The following ZNF516 variants were observed in gnomAD, a reference collection of about 807,000 sequenced individuals.
The protein encoded by ZNF516 is zinc finger protein 516.
In ZNF516, 19 loss-of-function variants were observed where a neutral mutation model predicts 79.7. The observed-to-expected ratio is 0.24, with a 90% confidence interval of 0.17 to 0.35. The LOEUF (loss-of-function observed/expected upper bound fraction) is 0.35, where lower values mean the gene tolerates loss of function less well. Among genes scored for constraint, ZNF516 ranks in the 10% least tolerant of loss-of-function variants. The pLI, the probability that ZNF516 is intolerant of heterozygous loss-of-function variation, is 1.00. For missense variants in ZNF516, 1,678 were observed against 1,679.5 expected (o/e 1.00, Z 0.02); for synonymous variants, 877 against 739.5 (o/e 1.19, Z -3.02).
intron 1 of ZNF516, among the ~76,000 whole-genome samples, chr18:76,470,166 C>T (rs1913740830): frequency 6.6e-6 from 1 of 152,190 alleles, no homozygotes; most frequent in Non-Finnish European, 1.5e-5. Flanking sequence ...AGATTTGGAA[C>T]CGCCCATTGG....
At chr18:76,472,943 G>C (rs1568321789) in intron 1 of ZNF516, among the ~76,000 whole-genome samples, 2 of 152,110 alleles carry the variant, frequency 1.3e-5, no homozygotes, top group African/African-American at 4.8e-5. Flanking sequence ...GCCAAAAAAG[G>C]AATGACAATA....
upstream of ZNF516, among the ~76,000 whole-genome samples, chr18:76,496,040 C>T (rs1469660076): frequency 6.6e-6 from 1 of 152,068 alleles, no homozygotes; most frequent in Non-Finnish European, 1.5e-5. Context: ...CTCACCTACT[C>T]CCCACGAGCA....
chr18:76,370,607 A>AG lies in ZNF516; in HGVS notation c.3365-13dup, dbSNP rs756908149. The AG allele has an allele frequency of 5.6e-6, 9 of 1,592,944 alleles. No homozygotes were observed. The highest frequency in any genetic ancestry group is 1.7e-4 in the Middle Eastern group (1 of 6,048). On this transcript the variant is annotated splice_polypyrimidine_tract_variant and intron_variant, in intron 5 of 6. Transcript: ENST00000443185. ...GGACTCAAACACCACTGTGGGAACAAGGGGTTTGTTAACAGATCAGCGTGT... is the reference window on the plus strand; with the variant it reads ...GGACTCAAACACCACTGTGGGAACAAGGGGGTTTGTTAACAGATCAGCGTGT...
rs547521844 is a variant in ZNF516 at position 76,391,277 on chromosome 18, T to C, written c.1811-10974A>G. On this transcript the variant is annotated intron_variant, in intron 3 of 6. Transcript: ENST00000443185. ...AGCACAAGCCAAACCACAACCCTAA[T>C]CCCAGCACAAACCCTAGCCATAGCA... Among the ~76,000 whole-genome samples, 215 of 152,136 alleles carry C rather than the reference T, an allele frequency of 1.4e-3. 1 individual carries two copies. Among genetic ancestry groups the C allele is most frequent in the South Asian group, 0.011 (52 of 4,818 alleles).
chr18:76,492,133 CCTT>C, intron 1 of ZNF516: 1 of 984,760 alleles, frequency 1.0e-6, no homozygotes, highest in Non-Finnish European at 1.2e-6. Flanking sequence ...GCACGTGGGT[CCTT>C]AACCTCTCCA....
intron 2 of ZNF516, among the ~76,000 whole-genome samples, chr18:76,454,788 A>C (rs1912619437): frequency 6.6e-6 from 1 of 152,222 alleles, no homozygotes; most frequent in South Asian, 2.1e-4. Context: ...AAAAAGGATA[A>C]ACAAGCAAAA....
chr18:76,440,991 A>G (rs889882654), intron 3 of ZNF516, among the ~76,000 whole-genome samples: 2 of 152,220 alleles, frequency 1.3e-5, no homozygotes, highest in Admixed American at 1.3e-4. Context: ...CCAAAGTGCC[A>G]GTTCCAGATC....
intron 3 of ZNF516, among the ~76,000 whole-genome samples, chr18:76,412,025 T>TC (rs1345040845): frequency 6.6e-6 from 1 of 152,150 alleles, no homozygotes; most frequent in African/African-American, 2.4e-5. Flanking sequence ...ACGTATCCTC[T>TC]CCAAGACCGT....
intron 3 of ZNF516, among the ~76,000 whole-genome samples, chr18:76,395,023 TCTAA>T (rs2075125616): frequency 1.3e-5 from 2 of 152,178 alleles, no homozygotes; most frequent in African/African-American, 4.8e-5. Flanking sequence ...CTCCTTCTGC[TCTAA>T]CTAAACACAT....
intron 1 of ZNF516, among the ~76,000 whole-genome samples, chr18:76,490,455 C>A (rs181382023): frequency 3.9e-5 from 6 of 152,300 alleles, no homozygotes; most frequent in Admixed American, 3.9e-4. Flanking sequence ...TTATTTTACA[C>A]GGCAGTAGCC....
At chr18:76,483,259 C>T (rs1914632256) in intron 1 of ZNF516, among the ~76,000 whole-genome samples, 1 of 152,128 alleles carries the variant, frequency 6.6e-6, no homozygotes, top group Non-Finnish European at 1.5e-5. Flanking sequence ...GCAGACACAG[C>T]TCAAGCCAGC....
At chr18:76,418,220 CTG>C (rs1292427577) in intron 3 of ZNF516, among the ~76,000 whole-genome samples, 4 of 152,100 alleles carry the variant, frequency 2.6e-5, no homozygotes, top group East Asian at 1.9e-4. Context: ...CTATAACACA[CTG>C]TAACACACGC....
rs1425702628 is a variant in ZNF516 at position 76,492,062 on chromosome 18, C to G, written c.-272+3082G>C. ...GGTGCGGCCTGGTGGCCGGGCACAC[C>G]CGCGCATGGACGAGGTCCCTCCCAG... On this transcript the variant is annotated intron_variant, in intron 1 of 6. Coordinates refer to ENST00000443185, the MANE Select transcript of ZNF516 (RefSeq NM_014643.4). 13 of 723,484 alleles carry G rather than the reference C, an allele frequency of 1.8e-5. No homozygotes were observed. In the Admixed American group the frequency reaches 6.9e-4, roughly 38 times the overall value. The allele number at this position is 723,484 out of a possible 1,614,324, so 44.8% of individuals were successfully genotyped here.
Position 76,444,980 on chromosome 18 carries a change from A to T in ZNF516, c.-157-1769T>A, listed in dbSNP as rs562166719. On this transcript the variant is annotated intron_variant, in intron 2 of 6. Coordinates refer to ENST00000443185, the MANE Select transcript of ZNF516 (RefSeq NM_014643.4). ...CGAGCAGCCTCAGCAGCAAATGAAA[A>T]GCAGCAACACAGAGGTTCTGCTCCT... 5.9e-5 allele frequency among the ~76,000 whole-genome samples: 9 copies of T among 152,360 alleles called. No individual in the cohort carries two copies. The East Asian group carries it at 1.7e-3, about 29-fold the overall frequency.
rs890868158 is a variant in ZNF516 at position 76,361,004 on chromosome 18, G to C, written c.*1494C>G. On this transcript the variant is annotated 3_prime_UTR_variant, in exon 7 of 7. Transcript: ENST00000443185. Reference sequence around the variant, plus strand: ...TTGCTCTCGCCAGTATTAAAGGTTAGGATAATTTCTGTACATGTAAAATTA... The same window carrying C: ...TTGCTCTCGCCAGTATTAAAGGTTACGATAATTTCTGTACATGTAAAATTA... 10 of 151,478 alleles carry C rather than the reference G, an allele frequency of 6.6e-5. No homozygotes were observed. The highest frequency in any genetic ancestry group is 1.0e-4 in the Non-Finnish European group (7 of 67,918). 9.4% of individuals were successfully genotyped at this position (151,478 alleles called of 1,614,324 possible).
At chr18:76,363,984 G>C (rs1003118928) in intron 6 of ZNF516, among the ~76,000 whole-genome samples, 3 of 152,178 alleles carry the variant, frequency 2.0e-5, no homozygotes, top group Admixed American at 2.0e-4. Context: ...CATCCACCTG[G>C]GTAGCTCTTC....
rs551092450 is a variant in ZNF516 at position 76,493,113 on chromosome 18, C to T, written c.-272+2031G>A. 2 of 984,828 alleles carry T rather than the reference C, an allele frequency of 2.0e-6. No individual in the cohort carries two copies. Among genetic ancestry groups the T allele is most frequent in the South Asian group, 4.7e-5 (1 of 21,280 alleles). The allele number at this position is 984,828 out of a possible 1,614,324, so 61.0% of individuals were successfully genotyped here. On this transcript the variant is annotated intron_variant, in intron 1 of 6. Transcript: ENST00000443185. The surrounding 1 kb of genome is among the most constrained non-coding windows in gnomAD (Gnocchi z 5.2). Reference sequence around the variant, plus strand: ...GCTGTTTCCTTTTTTTTTTTTCCTCCTCTCCTCCCTACCGTTTCATTTAAT... The same window carrying T: ...GCTGTTTCCTTTTTTTTTTTTCCTCTTCTCCTCCCTACCGTTTCATTTAAT...
chr18:76,477,113 ACAGCACTTTTTATCCCAG>A (rs1209070315), intron 1 of ZNF516, among the ~76,000 whole-genome samples: 1 of 152,172 alleles, frequency 6.6e-6, no homozygotes, highest in Non-Finnish European at 1.5e-5. Flanking sequence ...AAAAGATAAA[ACAGCACTTTTTATCCCAG>A]CTGAGTCATA....
intron 3 of ZNF516, chr18:76,387,187 G>A (rs369531224): frequency 2.6e-5 from 4 of 152,312 alleles, no homozygotes; most frequent in African/African-American, 4.8e-5. Context: ...GGTCAGACAC[G>A]TGCACAAAAT....
Sources: allele counts gnomAD v4.1 joint callset (sites outside exome capture counted in the v4.1 genomes callset), GRCh38; gene constraint gnomAD v4.1.1; non-coding constraint Gnocchi (gnomAD v3.1); transcripts MANE v1.5; gene names NCBI Gene and HGNC (gene_info 2026-07-23, HGNC 2026-07-21).